ZNF649: variants seen among roughly 807,000 people sequenced by gnomAD.
The protein encoded by ZNF649 is zinc finger protein 649.
A neutral mutation model predicts 14.1 loss-of-function variants in ZNF649; 7 were observed. The ratio of observed to expected loss-of-function variants is 0.49; its 90% CI spans 0.28 to 0.93. ZNF649 has a LOEUF of 0.93. ZNF649 is among the 40% of genes least tolerant of loss of function. The probability of loss-of-function intolerance (pLI) is 0.10; values close to 1 mark genes in which losing one functional copy is unlikely to be tolerated. For synonymous variants in ZNF649, 227 were observed against 212.3 expected, an observed-to-expected ratio of 1.07 and a Z score of -0.60; for missense variants, 544 against 608.1, an observed-to-expected ratio of 0.89 and a Z score of 1.11.
At chr19:51,894,796 T>G (rs930919123) in intron 4 of ZNF649, among the ~76,000 whole-genome samples, 2 of 152,156 alleles carry the variant, frequency 1.3e-5, no homozygotes, top group South Asian at 2.1e-4. Flanking sequence ...TCTTCTACTG[T>G]GTATTATGGC....
chr19:51,903,690 G>A (rs1243272581), intron 1 of ZNF649, among the ~76,000 whole-genome samples: 1 of 152,076 alleles, frequency 6.6e-6, no homozygotes, highest in Non-Finnish European at 1.5e-5. Flanking sequence ...GTGGTGGCGG[G>A]CGCCTGTAAT....
intron 3 of ZNF649, 126 bp from the exon 4 acceptor site, chr19:51,896,693 T>C: frequency 6.4e-7 from 1 of 1,568,352 alleles, no homozygotes; most frequent in South Asian, 1.1e-5. Flanking sequence ...GCTTTTTTTC[T>C]AAGACGAAGG....
In ZNF649 at chr19:51,890,032, T is replaced by C. The variant is rs959629883; in HGVS notation, c.*586A>G. 2.6e-5 allele frequency: 4 copies of C among 152,204 alleles called. No homozygotes were observed. In the East Asian group the frequency reaches 7.7e-4, roughly 29 times the overall value. 9.4% of individuals were successfully genotyped at this position (152,204 alleles called of 1,614,324 possible). A position where few individuals can be genotyped will look rare whatever the true frequency, so the allele number is the denominator to read the frequency against. ...CATAAATAGGTTAAAAGTAAAACCA[T>C]GATAAATAAAGATATGAAAGATATA... On this transcript the variant is annotated 3_prime_UTR_variant, in exon 5 of 5. Transcript: ENST00000354957.
chr19:51,899,106 T>A (rs561625965), intron 2 of ZNF649, among the ~76,000 whole-genome samples: 32 of 152,236 alleles, frequency 2.1e-4, no homozygotes, highest in African/African-American at 7.7e-4. Flanking sequence ...TGAAAGGCAC[T>A]GGTTATGAAG....
At chr19:51,896,446 C>A in intron 4 of ZNF649, 26 bp downstream of exon 4, 1 of 1,603,654 alleles carries the variant, frequency 6.2e-7, no homozygotes, top group Non-Finnish European at 8.5e-7. Context: ...GCTGCCTTCC[C>A]CTCTTGCTGG....
intron 2 of ZNF649, 200 bp from the exon 3 acceptor site, chr19:51,897,178 TTA>T: frequency 1.6e-6 from 1 of 637,148 alleles, no homozygotes; most frequent in Non-Finnish European, 2.7e-6. Context: ...TGGAATCTGC[TTA>T]TGTTACTCTG....
rs143659118 is a variant in ZNF649 at position 51,891,464 on chromosome 19, G to A, written c.672C>T (p.His224=). The A allele has an allele frequency of 1.7e-3, 2,697 of 1,613,778 alleles. 6 individuals are homozygous for A. The highest frequency in any genetic ancestry group is 2.0e-3 in the Non-Finnish European group (2,413 of 1,179,922). Residue 224 remains histidine (H), a synonymous_variant, in exon 5 of 5, where the codon CAC becomes CAT. Coordinates refer to ENST00000354957, the MANE Select transcript of ZNF649 (RefSeq NM_023074.4). This position sits in a 1 kb window ranked among gnomAD's most constrained non-coding sequence, Gnocchi z 4.2. ...GTTTCTCTCCTCTGTGAGCTCTCTC[G>A]TGTTCAGTGAGCCTGTACTTCTTGT... ...AFYKKYRLTE[H]ERAHRGEKPH... is the part of the protein sequence containing the mutation.
chr19:51,890,990 G>A lies in ZNF649; in HGVS notation c.1146C>T (p.Pro382=), dbSNP rs771072021. ...TPFVCPECGQ[P]CSQKSGLIRH... ...TAATGAGTCCTGACTTCTGTGAACA[G>A]GGTTGCCCACATTCAGGACATACAA... Residue 382 remains proline (P), a synonymous_variant, in exon 5 of 5, where the codon CCC becomes CCT. Coordinates refer to ENST00000354957, the MANE Select transcript of ZNF649 (RefSeq NM_023074.4). 1 of 1,614,098 alleles carries A rather than the reference G, an allele frequency of 6.2e-7. No individual in the cohort carries two copies. The highest frequency in any genetic ancestry group is 1.1e-5 in the South Asian group (1 of 91,072).
intron 2 of ZNF649, among the ~76,000 whole-genome samples, chr19:51,898,312 C>T (rs1052145688): frequency 6.6e-6 from 1 of 152,136 alleles, no homozygotes; most frequent in Admixed American, 6.5e-5. Flanking sequence ...GGGGTCCCCA[C>T]GTTATCACAC....
rs776382956 is a variant in ZNF649 at position 51,890,969 on chromosome 19, G to A, written c.1167C>T (p.Leu389=). The stretch of plus-strand genomic sequence containing the variant: ...CTGAGTGAATTTTCTGATGTCTAAT[G>A]AGTCCTGACTTCTGTGAACAGGGTT... ...CGQPCSQKSG[L]IRHQKIHSGE... Residue 389 remains leucine (L), a synonymous_variant, in exon 5 of 5, where the codon CTC becomes CTT. Coordinates refer to ENST00000354957, the MANE Select transcript of ZNF649 (RefSeq NM_023074.4). 2 of 1,613,958 alleles carry A rather than the reference G, an allele frequency of 1.2e-6. No individual in the cohort carries two copies. Among genetic ancestry groups the A allele is most frequent in the Non-Finnish European group, 8.5e-7 (1 of 1,179,940 alleles).
intron 4 of ZNF649, among the ~76,000 whole-genome samples, chr19:51,895,784 TACAC>T (rs1052516248): frequency 2.0e-5 from 3 of 151,776 alleles, no homozygotes; most frequent in Admixed American, 6.6e-5. Flanking sequence ...TATACACACA[TACAC>T]ACACACATAC....
rs1366038710 is a variant in ZNF649, at chr19:51,890,163, G to A, written c.*455C>T. 6.4e-6 allele frequency: 1 copy of A among 155,214 alleles called. No homozygotes were observed. The highest frequency in any genetic ancestry group is 2.4e-5 in the African/African-American group (1 of 41,432). The allele number at this position is 155,214 out of a possible 1,614,324, so 9.6% of individuals were successfully genotyped here. On this transcript the variant is annotated 3_prime_UTR_variant, in exon 5 of 5. Coordinates refer to ENST00000354957, the MANE Select transcript of ZNF649 (RefSeq NM_023074.4). ...GACAGATTAAACACTGTGGAAAAAA[G>A]ATTAGTGAACTGAAAGACATAGCTA...
intron 1 of ZNF649, among the ~76,000 whole-genome samples, chr19:51,902,155 C>T (rs969509590): frequency 1.3e-5 from 2 of 152,088 alleles, no homozygotes; most frequent in African/African-American, 2.4e-5. Flanking sequence ...GCTGGTGCTT[C>T]GATCTTAGAC....
At chr19:51,896,414 A>C in intron 4 of ZNF649, 58 bp downstream of exon 4, 1 of 1,496,314 alleles carries the variant, frequency 6.7e-7, no homozygotes, top group Non-Finnish European at 9.3e-7. Context: ...TGCCTTCTCT[A>C]AATGACCAGA....
At chr19:51,903,854 A>C (rs969400031) in intron 1 of ZNF649, among the ~76,000 whole-genome samples, 2 of 152,072 alleles carry the variant, frequency 1.3e-5, no homozygotes, top group Non-Finnish European at 2.9e-5. Flanking sequence ...CAAATGCTCA[A>C]GGAGACTGAT....
At chr19:51,901,776 C>G (rs1299937761) in intron 1 of ZNF649, among the ~76,000 whole-genome samples, 1 of 152,094 alleles carries the variant, frequency 6.6e-6, no homozygotes, top group Non-Finnish European at 1.5e-5. Flanking sequence ...AACCCCATCT[C>G]TATAAAACAT....
intron 2 of ZNF649, among the ~76,000 whole-genome samples, chr19:51,898,546 C>G (rs1458171604): frequency 6.6e-6 from 1 of 152,076 alleles, no homozygotes; most frequent in Non-Finnish European, 1.5e-5. Flanking sequence ...CTTCCCCCAC[C>G]CCCCACTTCC....
intron 4 of ZNF649, among the ~76,000 whole-genome samples, chr19:51,894,431 G>A (rs1051494291): frequency 6.6e-6 from 1 of 152,106 alleles, no homozygotes; most frequent in African/African-American, 2.4e-5. Context: ...ACCGCACCCG[G>A]CCTTCAGGCT....
At chr19:51,898,402 A>T (rs945988959) in intron 2 of ZNF649, among the ~76,000 whole-genome samples, 1 of 152,132 alleles carries the variant, frequency 6.6e-6, no homozygotes, top group African/African-American at 2.4e-5. Flanking sequence ...TGACTCACAG[A>T]ACTCAGGAAA....
Sources: gnomAD v4.1 joint callset for allele counts (sites outside exome capture counted in the v4.1 genomes callset) on GRCh38, gnomAD v4.1.1 for gene constraint, Gnocchi (gnomAD v3.1) non-coding constraint, MANE v1.5 for transcripts, NCBI Gene and HGNC (gene_info 2026-07-23, HGNC 2026-07-21) for gene names.